SCUBE1: variants seen among roughly 807,000 people sequenced by gnomAD.
SCUBE1 encodes the protein signal peptide, CUB domain and EGF like domain containing 1.
A neutral mutation model predicts 124.4 loss-of-function variants in SCUBE1; 59 were observed. The observed-to-expected ratio is 0.47, with a 90% CI of 0.38 to 0.59. The LOEUF (loss-of-function observed/expected upper bound fraction) is 0.59. Ranked by LOEUF, SCUBE1 falls within the 20% of genes least tolerant of loss-of-function variation. The pLI, the probability that SCUBE1 is intolerant of heterozygous loss-of-function variation, is 0.00. For missense variants in SCUBE1, 1,150 were observed against 1,371.2 expected, an observed-to-expected ratio of 0.84 and a Z score of 2.55; for synonymous variants, 545 against 550.9, an observed-to-expected ratio of 0.99 and a Z score of 0.15.
At chr22:43,231,931 C>T (rs1922569904) in intron 7 of SCUBE1, 56 bp from the exon 8 acceptor site, 1 of 1,596,378 alleles carries the variant, frequency 6.3e-7, no homozygotes, top group African/African-American at 1.3e-5. Flanking sequence ...GCTTGTGTGA[C>T]CAGCGGGGGG....
At position 43,211,125 on chromosome 22, in the gene SCUBE1, G is replaced by T. The variant is rs1032026357; in HGVS notation, c.2222-42C>A. On this transcript the variant is annotated intron_variant, in intron 17 of 21. Coordinates refer to ENST00000360835, the MANE Select transcript of SCUBE1 (RefSeq NM_173050.5). This position sits in a 1 kb window ranked among gnomAD's most constrained non-coding sequence, Gnocchi z 4.5. ...GGCAGTGTGGTGGGTGTGGAGGGGT[G>T]CAGGGAAAGGGCAGCACTGGGGTGC... 1 of 1,569,386 alleles carries T rather than the reference G, an allele frequency of 6.4e-7. No individual in the cohort carries two copies.
In SCUBE1 at chr22:43,231,762, T is replaced by C. The variant is rs867076163; in HGVS notation, c.958A>G (p.Thr320Ala). The stretch of plus-strand genomic sequence containing the variant: ...CATGGCAGGGGCTCACCCTGGCAGG[T>C]GCGCTCGTCGGTGAGCAGCTTGTAG... Reference protein sequence around the residue: ...KGYKLLTDERTCQDIDECSFE... With the variant: ...KGYKLLTDERACQDIDECSFE... The change falls in exon 8 of 22, where the codon ACC (threonine) becomes GCC (alanine). Residue 320 changes from threonine to alanine, a missense_variant. Physicochemically the swap from Thr to Ala is moderately conservative, Grantham distance 58. This residue lies in a region of SCUBE1 where 337 missense variants were observed against 482.1 expected (regional missense o/e 0.70). Transcript: ENST00000360835. The C allele has an allele frequency of 6.9e-6, 11 of 1,582,962 alleles. No individual in the cohort carries two copies. Among genetic ancestry groups the C allele is most frequent in the African/African-American group, 1.3e-5 (1 of 74,112 alleles).
At chr22:43,268,383 T>C (rs1172902425) in intron 4 of SCUBE1, among the ~76,000 whole-genome samples, 2 of 152,260 alleles carry the variant, frequency 1.3e-5, no homozygotes, top group South Asian at 2.1e-4. Flanking sequence ...GGAAGTGAGA[T>C]AGAATTTCAG....
chr22:43,272,689 G>A (rs1924339096), intron 4 of SCUBE1: 1 of 152,242 alleles, frequency 6.6e-6, no homozygotes, highest in Non-Finnish European at 1.5e-5. Flanking sequence ...ACACCTGCAA[G>A]GTGGTTGGTT....
intron 3 of SCUBE1, among the ~76,000 whole-genome samples, chr22:43,298,083 A>G (rs1925631267): frequency 6.6e-6 from 1 of 152,278 alleles, no homozygotes; most frequent in Non-Finnish European, 1.5e-5. Flanking sequence ...CGGCTTAGGC[A>G]GAAAAGCCTC....
At chr22:43,342,188 G>C (rs950097637) in intron 1 of SCUBE1, among the ~76,000 whole-genome samples, 1 of 150,988 alleles carries the variant, frequency 6.6e-6, no homozygotes, top group Non-Finnish European at 1.5e-5. Context: ...CTCTGATGAC[G>C]AGGAGGGGAG....
At chr22:43,235,614 G>A (rs541049632) in intron 7 of SCUBE1, among the ~76,000 whole-genome samples, 73 of 152,292 alleles carry the variant, frequency 4.8e-4, no homozygotes, top group African/African-American at 1.7e-3. Context: ...GGGAAGAGGG[G>A]CAGGTGACCC....
In SCUBE1 at chr22:43,258,819, G is replaced by C. The variant is rs1165235616; in HGVS notation, c.611-484C>G. Among the ~76,000 whole-genome samples the C allele has an allele frequency of 6.6e-6, 1 of 152,180 alleles. No homozygotes were observed. Among genetic ancestry groups the C allele is most frequent in the Non-Finnish European group, 1.5e-5 (1 of 68,038 alleles). On this transcript the variant is annotated intron_variant, in intron 5 of 21. Coordinates refer to ENST00000360835, the MANE Select transcript of SCUBE1 (RefSeq NM_173050.5). This position sits in a 1 kb window ranked among gnomAD's most constrained non-coding sequence, Gnocchi z 5.0. The stretch of plus-strand genomic sequence containing the variant: ...CTTTCCTTCCTCTGCCTGTCTTGGG[G>C]TGTGTGGATGTCTCCACGGAGGTCC...
intron 3 of SCUBE1, among the ~76,000 whole-genome samples, chr22:43,299,297 G>A (rs1925681450): frequency 6.6e-6 from 1 of 152,116 alleles, no homozygotes; most frequent in African/African-American, 2.4e-5. Flanking sequence ...ATGGCCTCAG[G>A]GAATCACGGG....
chr22:43,315,929 T>C (rs1313365255), intron 3 of SCUBE1, among the ~76,000 whole-genome samples: 1 of 152,160 alleles, frequency 6.6e-6, no homozygotes, highest in Non-Finnish European at 1.5e-5. Context: ...ACAGGGTATT[T>C]ACAAACAGGT....
chr22:43,279,358 G>T (rs1025511778), intron 4 of SCUBE1, among the ~76,000 whole-genome samples: 2 of 152,204 alleles, frequency 1.3e-5, no homozygotes, highest in Non-Finnish European at 2.9e-5. Flanking sequence ...ATGCTGTGCA[G>T]GGCCTCACCT....
intron 9 of SCUBE1, among the ~76,000 whole-genome samples, chr22:43,228,574 C>A (rs1475829165): frequency 1.3e-5 from 2 of 152,208 alleles, no homozygotes; most frequent in Non-Finnish European, 2.9e-5. Context: ...CTCTGAGCTC[C>A]CTCCTGTGGG....
At chr22:43,298,734 C>A (rs1162447181) in intron 3 of SCUBE1, among the ~76,000 whole-genome samples, 1 of 151,304 alleles carries the variant, frequency 6.6e-6, no homozygotes, top group Non-Finnish European at 1.5e-5. Flanking sequence ...TGTTGCTCTA[C>A]AAGTCATACC....
At chr22:43,327,375 C>A (rs910060995) in intron 2 of SCUBE1, among the ~76,000 whole-genome samples, 1 of 152,156 alleles carries the variant, frequency 6.6e-6, no homozygotes, top group African/African-American at 2.4e-5. Context: ...CCAGAAAAAC[C>A]AAATCTGCTG....
At chr22:43,230,746 TG>T (rs1333652804) in intron 8 of SCUBE1, among the ~76,000 whole-genome samples, 1 of 152,182 alleles carries the variant, frequency 6.6e-6, no homozygotes. Flanking sequence ...GCGGCTGGCC[TG>T]GGGCACACAT....
chr22:43,320,590 A>G lies in SCUBE1; in HGVS notation c.221-525T>C, dbSNP rs1363315707. 2.0e-5 allele frequency among the ~76,000 whole-genome samples: 3 copies of G among 152,224 alleles called. No individual in the cohort carries two copies. The East Asian group carries it at 5.8e-4, about 29-fold the overall frequency. ...CCCATCAGGGGTCAAAGGGCTATCA[A>G]TTCTGGAGTTCCAGAGAGATTTGAG... is the stretch of plus-strand genomic sequence containing the variant. On this transcript the variant is annotated intron_variant, in intron 2 of 21. Coordinates refer to ENST00000360835, the MANE Select transcript of SCUBE1 (RefSeq NM_173050.5).
At chr22:43,235,746 C>T (rs1398220341) in intron 7 of SCUBE1, among the ~76,000 whole-genome samples, 1 of 152,178 alleles carries the variant, frequency 6.6e-6, no homozygotes, top group Non-Finnish European at 1.5e-5. Context: ...CCCATCCTCC[C>T]AACTCCTCAC....
chr22:43,283,602 G>A (rs749111338), intron 4 of SCUBE1: 2 of 152,084 alleles, frequency 1.3e-5, no homozygotes, highest in Admixed American at 6.6e-5. Context: ...AACTAAATGC[G>A]AACTATTGAC....
intron 2 of SCUBE1, among the ~76,000 whole-genome samples, chr22:43,327,860 C>G (rs1323892871): frequency 1.3e-5 from 2 of 152,180 alleles, no homozygotes; most frequent in Non-Finnish European, 2.9e-5. Flanking sequence ...TGTGAATATA[C>G]TAAAGGCATT....
Sources: allele counts gnomAD v4.1 joint callset (sites outside exome capture counted in the v4.1 genomes callset), GRCh38; gene constraint gnomAD v4.1.1; regional missense constraint gnomAD v4.1.1; non-coding constraint Gnocchi (gnomAD v3.1); transcripts MANE v1.5; gene names NCBI Gene and HGNC (gene_info 2026-07-23, HGNC 2026-07-21).